AVPR1B: variants seen among roughly 807,000 people sequenced by gnomAD.
The protein encoded by AVPR1B is vasopressin V1b receptor.
Under a neutral mutation model 27.5 loss-of-function variants are expected in AVPR1B, and 25 were observed. The ratio of observed to expected loss-of-function variants is 0.91; its 90% CI spans 0.66 to 1.27. The LOEUF is 1.27. AVPR1B is among the 50% of genes most tolerant of loss of function. AVPR1B has a pLI of 0.00. For missense variants in AVPR1B, 595 were observed against 556.9 expected, an observed-to-expected ratio of 1.07 and a Z score of -0.69; for synonymous variants, 248 against 240.2, an observed-to-expected ratio of 1.03 and a Z score of -0.30.
Position 206,109,876 on chromosome 1 carries a change from C to T in AVPR1B, c.*313G>A, listed in dbSNP as rs1164204758. 6.4e-6 allele frequency: 2 copies of T among 312,330 alleles called. No homozygotes were observed. Among genetic ancestry groups the T allele is most frequent in the Admixed American group, 4.6e-5 (1 of 21,652 alleles). 19.3% of individuals were successfully genotyped at this position (312,330 alleles called of 1,614,324 possible). ...GCCACCCGTGGACCCCTAGACAGCA[C>T]CATCCTAGGCCTGCCTAGATCTGGG... On this transcript the variant is annotated 3_prime_UTR_variant, in exon 2 of 2. Transcript: ENST00000367126.
chr1:206,115,229 G>T (rs538016703), intron 1 of AVPR1B, among the ~76,000 whole-genome samples: 1 of 152,084 alleles, frequency 6.6e-6, no homozygotes, highest in East Asian at 1.9e-4. Flanking sequence ...AGGCAGCTCG[G>T]GGAAGAGAAA....
At position 206,107,431 on chromosome 1, in the gene AVPR1B, TC is replaced by T. The variant is rs1333859468; in HGVS notation, c.*2757del. Among the ~76,000 whole-genome samples the T allele has an allele frequency of 1.3e-5, 2 of 152,050 alleles. No homozygotes were observed. Among genetic ancestry groups the T allele is most frequent in the East Asian group, 3.9e-4 (2 of 5,178 alleles). Reference sequence around the variant, plus strand: ...ACTGTCCAGGCGAGCCTCCTACAGGTCCTGCAGAACTTTCACTCATAGATCC... The same window carrying T: ...ACTGTCCAGGCGAGCCTCCTACAGGTCTGCAGAACTTTCACTCATAGATCC... On this transcript the variant is annotated 3_prime_UTR_variant, in exon 2 of 2. Coordinates refer to ENST00000367126, the MANE Select transcript of AVPR1B (RefSeq NM_000707.5).
chr1:206,115,975 A>C lies in AVPR1B; in HGVS notation c.916T>G (p.Trp306Gly). 6.2e-7 allele frequency: 1 copy of C among 1,608,122 alleles called. No homozygotes were observed. The highest frequency in any genetic ancestry group is 8.5e-7 in the Non-Finnish European group (1 of 1,175,812). ...CCTTCATCAGGGGCATTCTTGTCCC[A>C]CACGGACCACATCTGGACACTGAAG... ...PFFSVQMWSVWDKNAPDEDST... is the reference protein window; with the variant it reads ...PFFSVQMWSVGDKNAPDEDST... Residue 306 changes from tryptophan (W) to glycine (G), a missense_variant, in exon 1 of 2, where the codon TGG becomes GGG. Transcript: ENST00000367126.
At position 206,110,531 on chromosome 1, in the gene AVPR1B, G is replaced by T. The variant is rs1331975932; in HGVS notation, c.941-8C>A. On this transcript the variant is annotated splice_region_variant and splice_polypyrimidine_tract_variant and intron_variant, in intron 1 of 1. Coordinates refer to ENST00000367126, the MANE Select transcript of AVPR1B (RefSeq NM_000707.5). ...AAGCCACATTGGTGGAATCTACCAA[G>T]AGAGAAGCATGAGAAGCCTCAGAAT... 1 of 1,595,278 alleles carries T rather than the reference G, an allele frequency of 6.3e-7. No individual in the cohort carries two copies. Among genetic ancestry groups the T allele is most frequent in the African/African-American group, 1.3e-5 (1 of 74,628 alleles).
chr1:206,112,306 T>C (rs775583717), intron 1 of AVPR1B, among the ~76,000 whole-genome samples: 4 of 152,108 alleles, frequency 2.6e-5, no homozygotes, highest in African/African-American at 7.2e-5. Flanking sequence ...TGGGAGGTGA[T>C]TGGATCACAG....
Position 206,108,113 on chromosome 1 carries a change from A to G in AVPR1B, c.*2076T>C, listed in dbSNP as rs1304675615. On this transcript the variant is annotated 3_prime_UTR_variant, in exon 2 of 2. Transcript: ENST00000367126. The stretch of plus-strand genomic sequence containing the variant: ...CATTAGGGTCAGAAACTGTGGTCTA[A>G]AGATGGGGCAAGGGGGTGGGGAGGC... Among the ~76,000 whole-genome samples the G allele has an allele frequency of 2.6e-5, 4 of 152,156 alleles. No homozygotes were observed. The East Asian group carries it at 7.7e-4, about 29-fold the overall frequency.
chr1:206,110,836 A>G (rs1410472077), intron 1 of AVPR1B, among the ~76,000 whole-genome samples: 3 of 152,204 alleles, frequency 2.0e-5, no homozygotes, highest in Non-Finnish European at 2.9e-5. Flanking sequence ...ATCAGCCCAG[A>G]TAGGAGAAAC....
intron 1 of AVPR1B, among the ~76,000 whole-genome samples, chr1:206,112,207 A>G (rs782761921): frequency 1.3e-5 from 2 of 149,814 alleles, no homozygotes; most frequent in African/African-American, 2.5e-5. Flanking sequence ...AGAAAAAAAA[A>G]AGAGAGACAG....
In AVPR1B at chr1:206,116,496, C is replaced by T. The variant is rs41314448; in HGVS notation, c.395G>A (p.Arg132His). The T allele has an allele frequency of 1.4e-4, 233 of 1,613,874 alleles. No individual in the cohort carries two copies. Among genetic ancestry groups the T allele is most frequent in the Non-Finnish European group, 1.9e-4 (221 of 1,179,996 alleles). Residue 132 changes from arginine to histidine, a missense_variant, in exon 1 of 2, where the codon CGC (arginine) becomes CAC (histidine). Transcript: ENST00000367126. ...CAGGGGGTGACAGACAGCCAGGTAG[C>T]GGTCCAGCGTCATGGCCAGCAGCAT... ...TYMLLAMTLD[R>H]YLAVCHPLRS...
At position 206,107,732 on chromosome 1, in the gene AVPR1B, G is replaced by A. The variant is rs1344283548; in HGVS notation, c.*2457C>T. ...ACAAGAAAGTGCTTTAGTCAGCCTT[G>A]ATCCCAGGTCTGTCTCCTCTTTTCC... is the stretch of plus-strand genomic sequence containing the variant. On this transcript the variant is annotated 3_prime_UTR_variant, in exon 2 of 2. Coordinates refer to ENST00000367126, the MANE Select transcript of AVPR1B (RefSeq NM_000707.5). Among the ~76,000 whole-genome samples the A allele has an allele frequency of 1.3e-5, 2 of 152,218 alleles. No homozygotes were observed. Among genetic ancestry groups the A allele is most frequent in the Non-Finnish European group, 2.9e-5 (2 of 68,044 alleles).
rs1439507115 is a variant in AVPR1B at position 206,116,078 on chromosome 1, G to A, written c.813C>T (p.Thr271=). 6.2e-7 allele frequency: 1 copy of A among 1,614,138 alleles called. No homozygotes were observed. The highest frequency in any genetic ancestry group is 1.3e-5 in the African/African-American group (1 of 74,940). ...CTGTTCGGATCTTGGCCCGTGAGAT[G>A]GTGTTGATGCTGCTGACCCGAGATG... ...GLPSRVSSIN[T]ISRAKIRTVK... Residue 271 remains threonine (T), a synonymous_variant, in exon 1 of 2, where the codon ACC becomes ACT. Transcript: ENST00000367126.
At chr1:206,113,929 G>A (rs1663419797) in intron 1 of AVPR1B, among the ~76,000 whole-genome samples, 1 of 152,164 alleles carries the variant, frequency 6.6e-6, no homozygotes, top group African/African-American at 2.4e-5. Flanking sequence ...TCTGTGCTTG[G>A]CTAGAGCAGG....
intron 1 of AVPR1B, among the ~76,000 whole-genome samples, chr1:206,114,753 A>G (rs977733182): frequency 6.6e-6 from 1 of 152,204 alleles, no homozygotes; most frequent in African/African-American, 2.4e-5. Flanking sequence ...AAGGAGACAG[A>G]AGACCTGGGC....
rs1663342429 is a variant in AVPR1B at position 206,109,939 on chromosome 1, G to A, written c.*250C>T. On this transcript the variant is annotated 3_prime_UTR_variant, in exon 2 of 2. Coordinates refer to ENST00000367126, the MANE Select transcript of AVPR1B (RefSeq NM_000707.5). ...CATGGACACCCTATGAATATGGCAGGACCAGGGAGACAGGCAGTTTGATTC... is the reference window on the plus strand; with the variant it reads ...CATGGACACCCTATGAATATGGCAGAACCAGGGAGACAGGCAGTTTGATTC... 1.9e-6 allele frequency: 1 copy of A among 537,752 alleles called. No homozygotes were observed. Among genetic ancestry groups the A allele is most frequent in the Non-Finnish European group, 3.3e-6 (1 of 301,606 alleles). The allele number at this position is 537,752 out of a possible 1,614,324, so 33.3% of individuals were successfully genotyped here. A position where few individuals can be genotyped will look rare whatever the true frequency, so the allele number is the denominator to read the frequency against.
chr1:206,113,941 A>G (rs919830137), intron 1 of AVPR1B, among the ~76,000 whole-genome samples: 7 of 152,310 alleles, frequency 4.6e-5, no homozygotes, highest in Admixed American at 1.3e-4. Flanking sequence ...TAGAGCAGGG[A>G]GGTCCCTACA....
chr1:206,112,398 G>GATAC (rs1663395779), intron 1 of AVPR1B, among the ~76,000 whole-genome samples: 1 of 152,178 alleles, frequency 6.6e-6, no homozygotes, highest in African/African-American at 2.4e-5. Context: ...CTCACCATGT[G>GATAC]ATACGCTGGC....
In AVPR1B at chr1:206,115,970, G is replaced by C. The variant is rs1663459188; in HGVS notation, c.921C>G (p.Asp307Glu). ...FFSVQMWSVW[D>E]KNAPDEDSTN... ...ACTTGCCTTCATCAGGGGCATTCTT[G>C]TCCCACACGGACCACATCTGGACAC... Residue 307 changes from aspartate (D) to glutamate (E), a missense_variant, in exon 1 of 2, where the codon GAC (aspartate) becomes GAG (glutamate). Transcript: ENST00000367126. 1 of 1,605,550 alleles carries C rather than the reference G, an allele frequency of 6.2e-7. No individual in the cohort carries two copies.
rs1553289324 is a variant in AVPR1B, at chr1:206,109,045, C to T, written c.*1144G>A. On this transcript the variant is annotated 3_prime_UTR_variant, in exon 2 of 2. Coordinates refer to ENST00000367126, the MANE Select transcript of AVPR1B (RefSeq NM_000707.5). ...TAATATCCTTTGTGTTTCTCTGTAA[C>T]ACCATTTCCAGTATTGCAGAGTCAT... 2.0e-5 allele frequency among the ~76,000 whole-genome samples: 3 copies of T among 152,232 alleles called. No individual in the cohort carries two copies. Among genetic ancestry groups the T allele is most frequent in the African/African-American group, 7.2e-5 (3 of 41,470 alleles).
At chr1:206,115,542 A>G (rs902171461) in intron 1 of AVPR1B, among the ~76,000 whole-genome samples, 3 of 152,162 alleles carry the variant, frequency 2.0e-5, no homozygotes. Flanking sequence ...GTCTGTTGAG[A>G]AGGAGCTCAA....
Sources: gnomAD v4.1 joint callset for allele counts (sites outside exome capture counted in the v4.1 genomes callset) on GRCh38, gnomAD v4.1.1 for gene constraint, MANE v1.5 for transcripts, NCBI Gene and HGNC (gene_info 2026-07-23, HGNC 2026-07-21) for gene names.